Variants in PWWP2A observed in about 807,000 individuals in gnomAD.
PWWP2A encodes PWWP domain containing 2A, also known as PWWP domain-containing protein 2A.
A neutral mutation model predicts 48.5 loss-of-function variants in PWWP2A; 18 were observed. The ratio of observed to expected loss-of-function variants is 0.37; its 90% CI spans 0.26 to 0.55. The LOEUF (loss-of-function observed/expected upper bound fraction) is 0.55. PWWP2A is among the 20% of genes least tolerant of loss of function. The pLI is 0.81. For synonymous variants in PWWP2A, 396 were observed against 387.7 expected, an observed-to-expected ratio of 1.02 and a Z score of -0.25; for missense variants, 867 against 976.4, an observed-to-expected ratio of 0.89 and a Z score of 1.49.
intron 1 of PWWP2A, among the ~76,000 whole-genome samples, chr5:160,100,204 G>A (rs1350929726): frequency 1.3e-5 from 2 of 152,086 alleles, no homozygotes; most frequent in Admixed American, 1.3e-4. Context: ...GGGAGGCTCA[G>A]GCAGGAGAAC....
chr5:160,082,237 G>A (rs1754286633), intron 2 of PWWP2A, among the ~76,000 whole-genome samples: 1 of 152,050 alleles, frequency 6.6e-6, no homozygotes, highest in Non-Finnish European at 1.5e-5. Context: ...GAGGTCAGGA[G>A]ATCGAGACCA....
At chr5:160,056,731 A>AAT in the PWWP2A span, among the ~76,000 whole-genome samples, 202 of 151,606 alleles carry the variant, frequency 1.3e-3, 2 homozygotes, top group Middle Eastern at 0.01. Flanking sequence ...TCAAAAGCAA[A>AAT]ATATATATAT....
chr5:160,071,426 A>G (rs1478151442), downstream of PWWP2A, among the ~76,000 whole-genome samples: 1 of 152,166 alleles, frequency 6.6e-6, no homozygotes, highest in Non-Finnish European at 1.5e-5. Flanking sequence ...ACATCTTTGC[A>G]AGCATGGTCT....
the PWWP2A span, among the ~76,000 whole-genome samples, chr5:160,044,673 G>A: frequency 2.0e-5 from 3 of 152,156 alleles, no homozygotes; most frequent in East Asian, 5.8e-4. Flanking sequence ...GGCTTTGGTG[G>A]GCTTTGGCCA....
chr5:160,044,903 C>T, the PWWP2A span, among the ~76,000 whole-genome samples: 1 of 152,174 alleles, frequency 6.6e-6, no homozygotes, highest in African/African-American at 2.4e-5. Context: ...GGTGCCCTCT[C>T]TACTGGCTTT....
At chr5:160,115,446 C>T (rs1758022463) in intron 1 of PWWP2A, among the ~76,000 whole-genome samples, 1 of 151,954 alleles carries the variant, frequency 6.6e-6, no homozygotes, top group Non-Finnish European at 1.5e-5. Flanking sequence ...AATCCCAGCA[C>T]TTTGAGACGC....
downstream of PWWP2A, chr5:160,090,536 G>A (rs945160576): frequency 4.1e-6 from 4 of 983,626 alleles, no homozygotes; most frequent in South Asian, 9.4e-5. Flanking sequence ...TTCTACTCAA[G>A]TGAAACATGT....
At chr5:160,117,981 C>T in intron 1 of PWWP2A, 4 of 610,302 alleles carry the variant, frequency 6.6e-6, no homozygotes, top group Non-Finnish European at 8.2e-6. Flanking sequence ...GTTCTCTTCC[C>T]CTGTTGAAAG....
intron 1 of PWWP2A, chr5:160,116,575 C>A (rs1758165952): frequency 1.7e-6 from 1 of 603,480 alleles, no homozygotes. Flanking sequence ...TGTTTCTAAG[C>A]ACTGATAGCA....
At chr5:160,105,419 TC>T (rs1265156696) in intron 1 of PWWP2A, among the ~76,000 whole-genome samples, 6 of 151,402 alleles carry the variant, frequency 4.0e-5, no homozygotes, top group Admixed American at 1.3e-4. Flanking sequence ...ACGCCTGTAG[TC>T]CCAGCTACTC....
the PWWP2A span, among the ~76,000 whole-genome samples, chr5:160,045,526 T>TCTCC: frequency 8.1e-6 from 1 of 122,922 alleles, no homozygotes; most frequent in African/African-American, 3.2e-5. Context: ...ACACACTCTC[T>TCTCC]CTCTCTCTCT....
At chr5:160,075,010 C>T (rs1385682685), downstream of PWWP2A, among the ~76,000 whole-genome samples, 2 of 152,038 alleles carry the variant, frequency 1.3e-5, no homozygotes, top group Non-Finnish European at 2.9e-5. Flanking sequence ...TGAAGGCCAG[C>T]ATTGGTAAGA....
chr5:160,107,077 T>G (rs956832087), intron 1 of PWWP2A, among the ~76,000 whole-genome samples: 1 of 152,074 alleles, frequency 6.6e-6, no homozygotes, highest in Non-Finnish European at 1.5e-5. Context: ...CCACCCACCT[T>G]GGCCTCCCAA....
chr5:160,116,171 C>T (rs1226527767), intron 1 of PWWP2A, among the ~76,000 whole-genome samples: 1 of 152,204 alleles, frequency 6.6e-6, no homozygotes, highest in African/African-American at 2.4e-5. Context: ...TCTCCCACCT[C>T]AGCCTCCCAA....
rs566984821 is a variant in PWWP2A, at chr5:160,086,182, ACTT to A, written c.1550-5415_1550-5413del. 8.3e-4 allele frequency among the ~76,000 whole-genome samples: 126 copies of A among 152,242 alleles called. 1 individual carries two copies. The highest frequency in any genetic ancestry group is 1.5e-3 in the Non-Finnish European group (103 of 68,010). The stretch of plus-strand genomic sequence containing the variant: ...CATATTTAAATAATGACTGTTCTCA[ACTT>A]CTTTTTAATGATACTTTACAAAATA... On this transcript the variant is annotated intron_variant, in intron 2 of 3. Coordinates refer to the PWWP2A transcript ENST00000456329.
At chr5:160,095,047 C>CTAAAAA (rs1450846096) in intron 1 of PWWP2A, among the ~76,000 whole-genome samples, 1 of 30,874 alleles carries the variant, frequency 3.2e-5, no homozygotes, top group African/African-American at 1.3e-4. Context: ...GACTCTGTCT[C>CTAAAAA]AAAAAAAAAA....
chr5:160,054,354 C>T, the PWWP2A span, among the ~76,000 whole-genome samples: 1 of 152,210 alleles, frequency 6.6e-6, no homozygotes, highest in Non-Finnish European at 1.5e-5. Context: ...TAGCTCATGC[C>T]TGTAATCCTA....
At chr5:160,072,623 A>G (rs1753765098), downstream of PWWP2A, among the ~76,000 whole-genome samples, 2 of 152,276 alleles carry the variant, frequency 1.3e-5, no homozygotes, top group Admixed American at 1.3e-4. Context: ...CCAGCTACTC[A>G]GGAGGCTGAG....
chr5:160,085,742 T>A (rs1286592544), intron 2 of PWWP2A, among the ~76,000 whole-genome samples: 1 of 151,720 alleles, frequency 6.6e-6, no homozygotes, highest in African/African-American at 2.4e-5. Flanking sequence ...CCTCACCTCA[T>A]GATCCGCCCG....
Sources: allele counts gnomAD v4.1 joint callset (sites outside exome capture counted in the v4.1 genomes callset), GRCh38; gene constraint gnomAD v4.1.1; transcripts MANE v1.5; gene names NCBI Gene and HGNC (gene_info 2026-07-23, HGNC 2026-07-21).